The following GPR176 variants were observed in gnomAD, a reference collection of about 807,000 sequenced individuals.
GPR176 encodes the protein G-protein coupled receptor 176.
Under a neutral mutation model 35.4 loss-of-function variants are expected in GPR176, and 26 were observed. The observed-to-expected ratio is 0.74, with a 90% CI of 0.54 to 1.02. GPR176 has a LOEUF of 1.02. GPR176 is among the 50% of genes least tolerant of loss of function. GPR176 has a pLI of 0.00. For missense variants in GPR176, 597 were observed against 665.3 expected (o/e 0.90, Z 1.13); for synonymous variants, 278 against 271.3 (o/e 1.02, Z -0.24).
chr15:39,867,720 C>G (rs546935888), intron 1 of GPR176, among the ~76,000 whole-genome samples: 2 of 152,120 alleles, frequency 1.3e-5, no homozygotes, highest in African/African-American at 4.8e-5. Flanking sequence ...ATCCTGGAGG[C>G]ATATTTATGA....
At chr15:39,886,092 G>T (rs1308086822) in intron 1 of GPR176, among the ~76,000 whole-genome samples, 1 of 152,138 alleles carries the variant, frequency 6.6e-6, no homozygotes, top group Admixed American at 6.5e-5. Flanking sequence ...AATTAGCCAG[G>T]CATGGTGGCG....
chr15:39,817,262 C>T (rs992542628), intron 1 of GPR176, among the ~76,000 whole-genome samples: 29 of 152,220 alleles, frequency 1.9e-4, no homozygotes, highest in African/African-American at 6.3e-4. Context: ...TATCTGAGGG[C>T]ACTGCTCTAT....
In GPR176 at chr15:39,801,059, A is replaced by G; in HGVS notation, c.*73T>C. 1 of 1,302,036 alleles carries G rather than the reference A, an allele frequency of 7.7e-7. No individual in the cohort carries two copies. The highest frequency in any genetic ancestry group is 1.1e-6 in the Non-Finnish European group (1 of 935,628). 80.7% of individuals were successfully genotyped at this position (1,302,036 alleles called of 1,614,324 possible). On this transcript the variant is annotated 3_prime_UTR_variant, in exon 3 of 3. Transcript: ENST00000561100. Reference sequence around the variant, plus strand: ...AGTTGCAAGGAGATCATACAATCACATGGCCACAGCATTCCCACACTCTGG... The same window carrying G: ...AGTTGCAAGGAGATCATACAATCACGTGGCCACAGCATTCCCACACTCTGG...
At position 39,816,206 on chromosome 15, in the gene GPR176, C is replaced by T. The variant is rs549019492; in HGVS notation, c.173-8948G>A. On this transcript the variant is annotated intron_variant, in intron 1 of 2. Transcript: ENST00000561100. ...GTTAGGAGAAATAAGTTCAAGAGGT[C>T]TACTGTACAATATGGTGACTACAGT... Among the ~76,000 whole-genome samples the T allele has an allele frequency of 6.6e-5, 10 of 152,248 alleles. No homozygotes were observed. In the East Asian group the frequency reaches 1.9e-3, roughly 29 times the overall value.
intron 1 of GPR176, among the ~76,000 whole-genome samples, chr15:39,872,797 T>C (rs932317498): frequency 8.5e-5 from 13 of 152,084 alleles, no homozygotes; most frequent in African/African-American, 3.1e-4. Context: ...AAGATAGCAC[T>C]AACCCACGAG....
At position 39,896,982 on chromosome 15, in the gene GPR176, G is replaced by A. The variant is rs975898303; in HGVS notation, c.172+22873C>T. ...AACACTGCCTCTATCTCTGGTTGTG[G>A]TTTCTTCGTTTGCTGGTACAACCTA... On this transcript the variant is annotated intron_variant, in intron 1 of 2. Transcript: ENST00000561100. Among the ~76,000 whole-genome samples, 3 of 152,192 alleles carry A rather than the reference G, an allele frequency of 2.0e-5. No individual in the cohort carries two copies. In the South Asian group the frequency reaches 6.2e-4, roughly 32 times the overall value.
chr15:39,806,272 A>C (rs2140781581), intron 2 of GPR176, among the ~76,000 whole-genome samples: 1 of 152,368 alleles, frequency 6.6e-6, no homozygotes, highest in East Asian at 1.9e-4. Context: ...ATGGACATAA[A>C]ATACTTTTCA....
chr15:39,839,426 T>C (rs1392032115), intron 1 of GPR176, among the ~76,000 whole-genome samples: 2 of 152,194 alleles, frequency 1.3e-5, no homozygotes, highest in South Asian at 4.1e-4. Context: ...GCTAGCCATA[T>C]GTAGAAAGCT....
At chr15:39,806,226 G>A (rs974822151) in intron 2 of GPR176, among the ~76,000 whole-genome samples, 4 of 152,286 alleles carry the variant, frequency 2.6e-5, no homozygotes, top group South Asian at 2.1e-4. Context: ...CTTCAGCAAC[G>A]TTTCCTCTAT....
At chr15:39,856,368 C>T (rs1324955016) in intron 1 of GPR176, among the ~76,000 whole-genome samples, 1 of 152,188 alleles carries the variant, frequency 6.6e-6, no homozygotes, top group Non-Finnish European at 1.5e-5. Flanking sequence ...TCTACTGCTG[C>T]ATAACAAATT....
rs377624366 is a variant in GPR176, at chr15:39,802,304, T to G, written c.426-50A>C. On this transcript the variant is annotated intron_variant, in intron 2 of 2. Transcript: ENST00000561100. ...ATTCCACAGAAGATACTTTTTAAAT[T>G]AGGGGAACCTAAATCACCAAAAGTA... is the stretch of plus-strand genomic sequence containing the variant. 276 of 1,391,292 alleles carry G rather than the reference T, an allele frequency of 2.0e-4. No individual in the cohort carries two copies. The African/African-American group carries it at 3.6e-3, about 18-fold the overall frequency. The allele number at this position is 1,391,292 out of a possible 1,614,324, so 86.2% of individuals were successfully genotyped here.
intron 1 of GPR176, among the ~76,000 whole-genome samples, chr15:39,877,542 T>C (rs1595500745): frequency 2.0e-5 from 1 of 50,328 alleles, no homozygotes; most frequent in Non-Finnish European, 3.6e-5. Flanking sequence ...GCTCTTCTTC[T>C]TCTTCTTCTT....
chr15:39,915,045 C>T (rs1351441867), intron 1 of GPR176, among the ~76,000 whole-genome samples: 2 of 152,168 alleles, frequency 1.3e-5, no homozygotes, highest in African/African-American at 2.4e-5. Flanking sequence ...ATAACCACCT[C>T]ATGGAATCAA....
intron 1 of GPR176, among the ~76,000 whole-genome samples, chr15:39,835,584 A>T (rs1901348865): frequency 1.3e-5 from 2 of 152,108 alleles, no homozygotes; most frequent in Admixed American, 6.6e-5. Flanking sequence ...CCCCATTCTC[A>T]GAGTCTAAGG....
chr15:39,827,677 T>C (rs947866597), intron 1 of GPR176, among the ~76,000 whole-genome samples: 1 of 152,194 alleles, frequency 6.6e-6, no homozygotes, highest in Non-Finnish European at 1.5e-5. Context: ...ATCTGAAAGG[T>C]AGGTTGGCAG....
Position 39,801,291 on chromosome 15 carries a change from C to T in GPR176, c.1389G>A (p.Gln463=). ...FGFGPFELPP[Q]WLSETRNSKK... is the part of the protein sequence containing the mutation. ...TGCTGTTTCGGGTCTCTGAGAGCCA[C>T]TGAGGAGGCAACTCAAAAGGCCCAA... Residue 463 remains glutamine, a synonymous_variant, in exon 3 of 3, where the codon CAG becomes CAA. Coordinates refer to ENST00000561100, the MANE Select transcript of GPR176 (RefSeq NM_007223.3). 6.2e-7 allele frequency: 1 copy of T among 1,614,198 alleles called. No individual in the cohort carries two copies. The highest frequency in any genetic ancestry group is 8.5e-7 in the Non-Finnish European group (1 of 1,180,032).
intron 1 of GPR176, among the ~76,000 whole-genome samples, chr15:39,886,194 T>C (rs914726472): frequency 1.3e-5 from 2 of 151,726 alleles, no homozygotes; most frequent in Non-Finnish European, 2.9e-5. Context: ...GATCGTGCCA[T>C]TGCACTCCAG....
At chr15:39,890,093 A>G (rs1173507522) in intron 1 of GPR176, among the ~76,000 whole-genome samples, 1 of 152,150 alleles carries the variant, frequency 6.6e-6, no homozygotes, top group Non-Finnish European at 1.5e-5. Context: ...TGATATGAAA[A>G]TATCACCACG....
At chr15:39,811,872 C>T (rs1899587588) in intron 1 of GPR176, among the ~76,000 whole-genome samples, 2 of 150,930 alleles carry the variant, frequency 1.3e-5, no homozygotes, top group African/African-American at 2.4e-5. Context: ...GCCGAGATTG[C>T]GCCATTGCAC....
Sources: allele counts gnomAD v4.1 joint callset (sites outside exome capture counted in the v4.1 genomes callset), GRCh38; gene constraint gnomAD v4.1.1; transcripts MANE v1.5; gene names NCBI Gene and HGNC (gene_info 2026-07-23, HGNC 2026-07-21).